Variants in PTPRD observed in about 807,000 individuals in gnomAD.
The protein encoded by PTPRD is receptor-type tyrosine-protein phosphatase delta.
Under a neutral mutation model 214.5 loss-of-function variants are expected in PTPRD, and 34 were observed. The ratio of observed to expected loss-of-function variants is 0.16; its 90% CI spans 0.12 to 0.21. PTPRD has a LOEUF of 0.21. PTPRD is among the 10% of genes least tolerant of loss of function. The probability of loss-of-function intolerance (pLI) is 1.00; values close to 1 mark genes in which losing one functional copy is unlikely to be tolerated. For missense variants in PTPRD, 2,545 were observed against 2,398.7 expected (o/e 1.06, Z -1.27); for synonymous variants, 1,128 against 845.7 (o/e 1.33, Z -5.79).
intron 5 of PTPRD, among the ~76,000 whole-genome samples, chr9:9,833,691 A>AGGT (rs1192574811): frequency 8.0e-6 from 1 of 125,274 alleles, no homozygotes; most frequent in Non-Finnish European, 1.7e-5. Flanking sequence ...AGAGGGGGGC[A>AGGT]GTTCAGAGAC....
intron 11 of PTPRD, among the ~76,000 whole-genome samples, chr9:8,801,169 A>C (rs542973460): frequency 6.6e-6 from 1 of 152,324 alleles, no homozygotes; most frequent in East Asian, 1.9e-4. Flanking sequence ...CTAACCTTCC[A>C]AAGGGTCACA....
intron 11 of PTPRD, among the ~76,000 whole-genome samples, chr9:8,851,865 G>A (rs975469981): frequency 6.6e-6 from 1 of 151,894 alleles, no homozygotes; most frequent in Admixed American, 6.6e-5. Flanking sequence ...TATAAGAACT[G>A]AATGTTCTTT....
chr9:10,135,695 C>T (rs924421852), intron 3 of PTPRD, among the ~76,000 whole-genome samples: 3 of 151,836 alleles, frequency 2.0e-5, no homozygotes, highest in African/African-American at 7.3e-5. Context: ...AATTTGTTAC[C>T]ACTAGACTAG....
At chr9:10,097,018 G>T (rs936852040) in intron 3 of PTPRD, among the ~76,000 whole-genome samples, 30 of 151,678 alleles carry the variant, frequency 2.0e-4, no homozygotes, top group South Asian at 1.9e-3. Flanking sequence ...TGCTTGTTTT[G>T]GTCAGGTTTG....
intron 3 of PTPRD, among the ~76,000 whole-genome samples, chr9:10,123,578 A>G (rs138860430): frequency 6.6e-6 from 1 of 152,252 alleles, no homozygotes; most frequent in East Asian, 1.9e-4. Flanking sequence ...ATAACTACTG[A>G]CAAAAGTGGC....
At chr9:9,031,839 C>T (rs1344590178) in intron 10 of PTPRD, among the ~76,000 whole-genome samples, 4 of 151,880 alleles carry the variant, frequency 2.6e-5, no homozygotes, top group Admixed American at 2.0e-4. Flanking sequence ...GCTTCCTGGA[C>T]GTGCTGGCAT....
intron 12 of PTPRD, among the ~76,000 whole-genome samples, chr9:8,702,690 T>A (rs1597408489): frequency 6.6e-6 from 1 of 152,170 alleles, no homozygotes; most frequent in Non-Finnish European, 1.5e-5. Flanking sequence ...CTCGGCTCAC[T>A]GCAACCTCCC....
In PTPRD at chr9:10,340,367, T is replaced by A. The variant is rs552636420; in HGVS notation, c.-545+596A>T. ...TCAACCCAAGTGGATCTGTCACGATTTAGTTTTCTCTTAGCACCTTGAACT... is the reference window on the plus strand; with the variant it reads ...TCAACCCAAGTGGATCTGTCACGATATAGTTTTCTCTTAGCACCTTGAACT... On this transcript the variant is annotated intron_variant, in intron 3 of 45. Transcript: ENST00000381196. Among the ~76,000 whole-genome samples the A allele has an allele frequency of 2.6e-5, 4 of 152,032 alleles. No homozygotes were observed. In the South Asian group the frequency reaches 8.3e-4, roughly 31 times the overall value.
chr9:10,549,405 G>GA (rs991326850), intron 2 of PTPRD, among the ~76,000 whole-genome samples: 1 of 151,822 alleles, frequency 6.6e-6, no homozygotes, highest in Non-Finnish European at 1.5e-5. Context: ...TGGGAAAATA[G>GA]AAAAAAAATT....
At chr9:8,584,048 G>T (rs756469226) in intron 14 of PTPRD, among the ~76,000 whole-genome samples, 17 of 152,094 alleles carry the variant, frequency 1.1e-4, no homozygotes, top group Non-Finnish European at 1.9e-4. Context: ...CTGCTACTTG[G>T]GAAGCTGACA....
At chr9:8,590,949 A>G (rs1252557768) in intron 14 of PTPRD, among the ~76,000 whole-genome samples, 1 of 152,154 alleles carries the variant, frequency 6.6e-6, no homozygotes, top group Non-Finnish European at 1.5e-5. Context: ...TGATGTTAGC[A>G]GTCCTTTATG....
At chr9:9,326,544 G>T (rs2039985309) in intron 9 of PTPRD, among the ~76,000 whole-genome samples, 1 of 151,496 alleles carries the variant, frequency 6.6e-6, no homozygotes, top group African/African-American at 2.4e-5. Context: ...ACAAATATTC[G>T]AACCCTTGAT....
At chr9:9,684,771 G>C (rs1376509533) in intron 7 of PTPRD, among the ~76,000 whole-genome samples, 1 of 151,232 alleles carries the variant, frequency 6.6e-6, no homozygotes, top group Non-Finnish European at 1.5e-5. Flanking sequence ...CTCTAATTCA[G>C]GCATTCCAGA....
intron 9 of PTPRD, among the ~76,000 whole-genome samples, chr9:9,371,246 C>CA (rs1315903839): frequency 5.3e-5 from 8 of 151,880 alleles, no homozygotes. Context: ...TGGTCCTGGA[C>CA]TTTTTTTGGT....
intron 8 of PTPRD, among the ~76,000 whole-genome samples, chr9:9,526,223 T>C (rs1218666062): frequency 6.6e-6 from 1 of 152,214 alleles, no homozygotes; most frequent in Non-Finnish European, 1.5e-5. Context: ...AAAACCACAA[T>C]TAATGTATGC....
At chr9:9,859,957 A>G (rs1345895369) in intron 5 of PTPRD, among the ~76,000 whole-genome samples, 1 of 152,234 alleles carries the variant, frequency 6.6e-6, no homozygotes, top group Non-Finnish European at 1.5e-5. Context: ...CACATTTTAA[A>G]AAGTGTTTAT....
At chr9:10,306,106 G>C (rs771801922) in intron 3 of PTPRD, among the ~76,000 whole-genome samples, 11 of 152,000 alleles carry the variant, frequency 7.2e-5, no homozygotes, top group Admixed American at 1.3e-4. Flanking sequence ...AAAAGGACGA[G>C]TTCATGTCCT....
intron 8 of PTPRD, among the ~76,000 whole-genome samples, chr9:9,562,448 A>G (rs865870580): frequency 1.3e-5 from 2 of 152,186 alleles, no homozygotes; most frequent in South Asian, 4.1e-4. Flanking sequence ...TTACCTTAGT[A>G]TCATCCTTCT....
Position 10,244,173 on chromosome 9 carries a change from C to T in PTPRD, c.-545+96790G>A, listed in dbSNP as rs79290932. Among the ~76,000 whole-genome samples the T allele has an allele frequency of 3.4e-3, 512 of 152,094 alleles. 3 individuals are homozygous for T. Among genetic ancestry groups the T allele is most frequent in the African/African-American group, 0.012 (498 of 41,528 alleles). On this transcript the variant is annotated intron_variant, in intron 3 of 45. Transcript: ENST00000381196. Reference sequence around the variant, plus strand: ...TGAGCTCTGGATTAAAATCAACCTGCCTGTGAATCACTACTTGGCCTCCCT... The same window carrying T: ...TGAGCTCTGGATTAAAATCAACCTGTCTGTGAATCACTACTTGGCCTCCCT...
Sources: allele counts gnomAD v4.1 joint callset (sites outside exome capture counted in the v4.1 genomes callset), GRCh38; gene constraint gnomAD v4.1.1; transcripts MANE v1.5; gene names NCBI Gene and HGNC (gene_info 2026-07-23, HGNC 2026-07-21).